DNAH5: variants seen among roughly 807,000 people sequenced by gnomAD.
The protein encoded by DNAH5 is axonemal beta dynein heavy chain 5.
In DNAH5, 372 loss-of-function variants were observed where a neutral mutation model predicts 518.2. The observed-to-expected ratio is 0.72, with a 90% CI of 0.66 to 0.78. The LOEUF is 0.78. Ranked by LOEUF, DNAH5 falls within the 30% of genes least tolerant of loss-of-function variation. The pLI, the probability that DNAH5 is intolerant of heterozygous loss-of-function variation, is 0.00. For synonymous variants in DNAH5, 2,039 were observed against 2,025.9 expected (o/e 1.01, Z -0.17); for missense variants, 5,523 against 5,687.0 (o/e 0.97, Z 0.93).
intron 55 of DNAH5, among the ~76,000 whole-genome samples, chr5:13,771,832 G>C (rs1008527596): frequency 2.0e-5 from 3 of 152,106 alleles, no homozygotes; most frequent in African/African-American, 7.2e-5. Context: ...GAGAAATATG[G>C]TCAATAAAAT....
intron 49 of DNAH5, 78 bp from the exon 50 acceptor site, chr5:13,792,295 G>C (rs1757125313): frequency 7.9e-7 from 1 of 1,262,400 alleles, no homozygotes; most frequent in Admixed American, 1.8e-5. Flanking sequence ...TATAGCATAG[G>C]GTTTGCAAAA....
intron 12 of DNAH5, among the ~76,000 whole-genome samples, chr5:13,904,780 A>T (rs1775081929): frequency 6.6e-6 from 1 of 152,032 alleles, no homozygotes; most frequent in African/African-American, 2.4e-5. Context: ...GCATGGTGGC[A>T]TGCACCTGTA....
chr5:13,732,040 A>C (rs1746634866), intron 68 of DNAH5, among the ~76,000 whole-genome samples: 2 of 151,808 alleles, frequency 1.3e-5, no homozygotes, highest in African/African-American at 4.8e-5. Flanking sequence ...GGATCACCTA[A>C]GCCCAGGAGT....
At chr5:13,822,503 G>C (rs1762354869) in intron 40 of DNAH5, among the ~76,000 whole-genome samples, 1 of 152,046 alleles carries the variant, frequency 6.6e-6, no homozygotes, top group South Asian at 2.1e-4. Flanking sequence ...CCACTCACTT[G>C]GCCTCCCAGA....
chr5:13,834,909 C>G (rs1411286813), intron 35 of DNAH5, among the ~76,000 whole-genome samples: 1 of 152,212 alleles, frequency 6.6e-6, no homozygotes, highest in Admixed American at 6.5e-5. Flanking sequence ...AAGGATCTGA[C>G]TTACATTCTG....
chr5:13,802,353 A>G (rs1758890855), intron 47 of DNAH5, among the ~76,000 whole-genome samples: 1 of 152,220 alleles, frequency 6.6e-6, no homozygotes, highest in Admixed American at 6.5e-5. Flanking sequence ...TTTCTGAGCT[A>G]GAAGCCCTAA....
rs1774438812 is a variant in DNAH5 at position 13,900,365 on chromosome 5, A to G, written c.2100T>C (p.Ala700=). 6.2e-7 allele frequency: 1 copy of G among 1,614,088 alleles called. No homozygotes were observed. Among genetic ancestry groups the G allele is most frequent in the African/African-American group, 1.3e-5 (1 of 74,944 alleles). ...VGLEASLLVK[A]PGTGELFVNF... is the part of the protein sequence containing the mutation. ...TTACAAACAATTCCCCTGTGCCTGG[A>G]GCCTTCACCAATAATGAAGCCTCAA... is the stretch of plus-strand genomic sequence containing the variant. The change falls in exon 15 of 79, where the codon GCT becomes GCC. Residue 700 remains alanine (A), a synonymous_variant. Coordinates refer to ENST00000265104, the MANE Select transcript of DNAH5 (RefSeq NM_001369.3).
In DNAH5 at chr5:13,871,691, C is replaced by T. The variant is rs865979045; in HGVS notation, c.3471G>A (p.Lys1157=). ...GCAAGGGGCTCTGTGTAATAAATGTCTTAATGGCTTCTTCTTTTCCCTTTT... is the reference window on the plus strand; with the variant it reads ...GCAAGGGGCTCTGTGTAATAAATGTTTTAATGGCTTCTTCTTTTCCCTTTT... ...IWQKGKEEAI[K]TFITQSPLLS... is the part of the protein sequence containing the mutation. Residue 1157 remains lysine (K), a synonymous_variant, in exon 23 of 79, where the codon AAG becomes AAA. Coordinates refer to ENST00000265104, the MANE Select transcript of DNAH5 (RefSeq NM_001369.3). 2 of 1,613,778 alleles carry T rather than the reference C, an allele frequency of 1.2e-6. No homozygotes were observed. The highest frequency in any genetic ancestry group is 3.3e-4 in the Middle Eastern group (2 of 6,060).
intron 61 of DNAH5, among the ~76,000 whole-genome samples, chr5:13,755,252 T>C (rs952743855): frequency 2.0e-5 from 3 of 152,164 alleles, no homozygotes; most frequent in African/African-American, 7.2e-5. Flanking sequence ...GACAAGTCAC[T>C]GGGTGTTCAA....
At chr5:13,958,158 G>T (rs949098440) in intron 1 of DNAH5, among the ~76,000 whole-genome samples, 1 of 151,276 alleles carries the variant, frequency 6.6e-6, no homozygotes, top group African/African-American at 2.4e-5. Flanking sequence ...ATAAATAACA[G>T]TATAATGGAT....
intron 1 of DNAH5, among the ~76,000 whole-genome samples, chr5:13,972,743 C>T (rs900341706): frequency 6.6e-6 from 1 of 152,180 alleles, no homozygotes; most frequent in Non-Finnish European, 1.5e-5. Flanking sequence ...TGGATTCTCT[C>T]AGCTTTCCTG....
intron 55 of DNAH5, chr5:13,771,376 G>A (rs906401485): frequency 4.0e-6 from 1 of 251,424 alleles, no homozygotes; most frequent in Non-Finnish European, 7.8e-6. Context: ...TTGTCACTCA[G>A]AACCTATCAC....
chr5:13,721,995 A>G (rs1745118919), intron 70 of DNAH5, among the ~76,000 whole-genome samples: 1 of 152,206 alleles, frequency 6.6e-6, no homozygotes, highest in Non-Finnish European at 1.5e-5. Context: ...AATTCCCTCA[A>G]AAACATTTTT....
At chr5:13,989,323 A>T (rs1783324830) in intron 1 of DNAH5, among the ~76,000 whole-genome samples, 1 of 152,198 alleles carries the variant, frequency 6.6e-6, no homozygotes, top group South Asian at 2.1e-4. Context: ...ATGCAGCCAT[A>T]AAAATGGTTT....
Position 13,850,710 on chromosome 5 carries a change from C to G in DNAH5, c.5056G>C (p.Gly1686Arg). 6.2e-7 allele frequency: 1 copy of G among 1,614,044 alleles called. No homozygotes were observed. The highest frequency in any genetic ancestry group is 1.1e-5 in the South Asian group (1 of 91,066). The change falls in exon 31 of 79, where the codon GGG (glycine) becomes CGG (arginine). Residue 1686 changes from glycine (G) to arginine (R), a missense_variant. This residue lies in a region of DNAH5 where 5,121 missense variants were observed against 5,223.3 expected (regional missense o/e 0.98). Coordinates refer to ENST00000265104, the MANE Select transcript of DNAH5 (RefSeq NM_001369.3). ...TCCAGCAAGTGTGGTAACAGCTGCC[C>G]CAGGGTCTCATCTCCAACACAGCAC... ...VQCCVGDETL[G>R]QLLPHLLDQL... is the part of the protein sequence containing the mutation.
At chr5:13,871,518 C>A (rs775057455) in intron 23 of DNAH5, 46 bp downstream of exon 23, 6 of 1,507,724 alleles carry the variant, frequency 4.0e-6, no homozygotes, top group Admixed American at 3.4e-5. Context: ...AGAGGCAGAA[C>A]AATAATGGCT....
chr5:13,694,879 A>G (rs994555494), intron 78 of DNAH5, among the ~76,000 whole-genome samples: 2 of 152,232 alleles, frequency 1.3e-5, no homozygotes, highest in African/African-American at 4.8e-5. Context: ...AATATTTATT[A>G]TATGCTTCCT....
chr5:13,695,434 G>C (rs116645531), intron 78 of DNAH5, among the ~76,000 whole-genome samples: 3,994 of 152,232 alleles, frequency 0.026, 104 homozygotes, highest in Non-Finnish European at 0.04. Context: ...GATATTCAAG[G>C]GAGCTGTCCT....
In DNAH5 at chr5:13,885,176, C is replaced by G. The variant is rs374394989; in HGVS notation, c.2796G>C (p.Arg932Ser). The change falls in exon 19 of 79, where the codon AGG (arginine) becomes AGC (serine). Residue 932 changes from arginine (R) to serine (S), a missense_variant. Physicochemically the swap from Arg to Ser is moderately radical, Grantham distance 110 (BLOSUM62 -1). Around this residue, in one of 3 missense-constraint regions of DNAH5, gnomAD observed 5,121 missense variants for 5,223.3 expected, o/e 0.98. Transcript: ENST00000265104. ...FDTLTSSINA[R>S]ANALLLTTVT... Reference sequence around the variant, plus strand: ...CTGTCGTCAAAAGCAGGGCATTGGCCCTGGCATTAATAGATGATGTCAAGG... The same window carrying G: ...CTGTCGTCAAAAGCAGGGCATTGGCGCTGGCATTAATAGATGATGTCAAGG... The G allele has an allele frequency of 1.9e-6, 3 of 1,614,088 alleles. No individual in the cohort carries two copies. The highest frequency in any genetic ancestry group is 2.5e-6 in the Non-Finnish European group (3 of 1,180,010).
Sources: gnomAD v4.1 joint callset for allele counts (sites outside exome capture counted in the v4.1 genomes callset) on GRCh38, gnomAD v4.1.1 for gene constraint, gnomAD v4.1.1 regional missense constraint, MANE v1.5 for transcripts, NCBI Gene and HGNC (gene_info 2026-07-23, HGNC 2026-07-21) for gene names.